Variants in CORO2B observed in about 807,000 individuals in gnomAD.
CORO2B encodes the protein coronin 2B.
A neutral mutation model predicts 58.8 loss-of-function variants in CORO2B; 26 were observed. That is an observed-to-expected ratio of 0.44 (90% confidence interval 0.32 to 0.61). The LOEUF is 0.61. Among genes scored for constraint, CORO2B ranks in the 20% least tolerant of loss-of-function variants. CORO2B has a pLI of 0.04. For missense variants in CORO2B, 460 were observed against 645.1 expected (o/e 0.71, Z 3.11); for synonymous variants, 242 against 253.8 (o/e 0.95, Z 0.44).
At chr15:68,631,953 C>T (rs1230474851) in intron 1 of CORO2B, 2 of 985,366 alleles carry the variant, frequency 2.0e-6, no homozygotes, top group African/African-American at 3.5e-5. Flanking sequence ...CATCCCTCAG[C>T]ATCGCTGGAG....
At position 68,710,981 on chromosome 15, in the gene CORO2B, A is replaced by G. The variant is rs1892902941; in HGVS notation, c.483+100A>G. 1 of 1,304,278 alleles carries G rather than the reference A, an allele frequency of 7.7e-7. No individual in the cohort carries two copies. Among genetic ancestry groups the G allele is most frequent in the East Asian group, 2.6e-5 (1 of 39,098 alleles). 80.8% of individuals were successfully genotyped at this position (1,304,278 alleles called of 1,614,324 possible). ...CACTGTTGCTTCCTAAGCAACCAAT[A>G]TGGCCTCATCTGTTCATTTGCTTAT... On this transcript the variant is annotated intron_variant, in intron 4 of 11. Transcript: ENST00000261861. The surrounding 1 kb of genome is among the most constrained non-coding windows in gnomAD (Gnocchi z 4.1).
intron 1 of CORO2B, among the ~76,000 whole-genome samples, chr15:68,634,086 A>T (rs1288097823): frequency 6.6e-6 from 1 of 152,250 alleles, no homozygotes; most frequent in Non-Finnish European, 1.5e-5. Context: ...ACTATGAAAC[A>T]GCCTTTTAAA....
At chr15:68,561,877 A>G in the CORO2B span, among the ~76,000 whole-genome samples, 1 of 152,136 alleles carries the variant, frequency 6.6e-6, no homozygotes, top group Non-Finnish European at 1.5e-5. Context: ...AATGTCAATG[A>G]GTAGTAAAGG....
intron 1 of CORO2B, among the ~76,000 whole-genome samples, chr15:68,631,800 G>C (rs1199833330): frequency 6.6e-6 from 1 of 152,204 alleles, no homozygotes; most frequent in Non-Finnish European, 1.5e-5. Context: ...TTTACCTCTT[G>C]ACATCAGTAG....
At chr15:68,686,899 CAA>C (rs1205410989) in intron 2 of CORO2B, among the ~76,000 whole-genome samples, 8 of 115,532 alleles carry the variant, frequency 6.9e-5, no homozygotes, top group African/African-American at 3.1e-5. Context: ...AACTCCGTCT[CAA>C]AAAAAAAAAA....
intron 1 of CORO2B, among the ~76,000 whole-genome samples, chr15:68,608,748 C>G (rs771874105): frequency 2.6e-5 from 4 of 152,148 alleles, no homozygotes; most frequent in African/African-American, 9.7e-5. Context: ...CCTCCCCTGC[C>G]CAGACTCCCG....
At chr15:68,704,028 CTACACACACA>C (rs1486928255) in intron 3 of CORO2B, among the ~76,000 whole-genome samples, 65 of 132,768 alleles carry the variant, frequency 4.9e-4, no homozygotes, top group African/African-American at 1.8e-3. Context: ...AACCCTTTCT[CTACACACACA>C]TACACACACA....
the CORO2B span, among the ~76,000 whole-genome samples, chr15:68,523,773 C>A: frequency 1.3e-5 from 2 of 152,074 alleles, no homozygotes; most frequent in Non-Finnish European, 2.9e-5. Flanking sequence ...TGTGGGTAAA[C>A]CCTACCAGGC....
chr15:68,580,803 G>T (rs1394869123), intron 1 of CORO2B, among the ~76,000 whole-genome samples: 1 of 152,106 alleles, frequency 6.6e-6, no homozygotes, highest in Non-Finnish European at 1.5e-5. Flanking sequence ...TAATAATAGC[G>T]CTGAGGATTA....
At chr15:68,522,933 T>C in the CORO2B span, among the ~76,000 whole-genome samples, 1 of 152,226 alleles carries the variant, frequency 6.6e-6, no homozygotes, top group Admixed American at 6.5e-5. Flanking sequence ...TTAAAACATG[T>C]GGAGACTTTG....
chr15:68,543,511 A>G, the CORO2B span, among the ~76,000 whole-genome samples: 1 of 152,030 alleles, frequency 6.6e-6, no homozygotes, highest in African/African-American at 2.4e-5. Flanking sequence ...CCCAATCCCC[A>G]TCTTTCTACC....
chr15:68,572,031 T>TG, the CORO2B span, among the ~76,000 whole-genome samples: 1 of 152,122 alleles, frequency 6.6e-6, no homozygotes, highest in Non-Finnish European at 1.5e-5. Context: ...AAGCAGGACC[T>TG]GGGGGGCACT....
chr15:68,592,335 A>G (rs1485860538), intron 1 of CORO2B, among the ~76,000 whole-genome samples: 2 of 152,092 alleles, frequency 1.3e-5, no homozygotes, highest in African/African-American at 4.8e-5. Context: ...TCTCTTGGAT[A>G]TACCCCACCT....
chr15:68,679,396 ATACCC>A (rs1902700206), intron 2 of CORO2B, among the ~76,000 whole-genome samples: 1 of 152,130 alleles, frequency 6.6e-6, no homozygotes. Context: ...GGTTAGACAC[ATACCC>A]CACCCATGGA....
chr15:68,591,641 G>A (rs71402276), intron 1 of CORO2B, among the ~76,000 whole-genome samples: 40,096 of 152,126 alleles, frequency 0.26, 5,742 homozygotes, highest in Middle Eastern at 0.34. Flanking sequence ...AGGGGTTTCT[G>A]AGCCCCTAGC....
At chr15:68,593,448 G>A (rs940221569) in intron 1 of CORO2B, among the ~76,000 whole-genome samples, 12 of 152,170 alleles carry the variant, frequency 7.9e-5, no homozygotes, top group African/African-American at 2.7e-4. Flanking sequence ...TAAAAGCTGA[G>A]CTTCCATTCT....
intron 1 of CORO2B, among the ~76,000 whole-genome samples, chr15:68,596,432 G>A (rs1388139276): frequency 6.6e-6 from 1 of 151,886 alleles, no homozygotes; most frequent in Non-Finnish European, 1.5e-5. Context: ...GGGATCTAGG[G>A]GGATCTTTCT....
At chr15:68,670,318 G>A (rs765314419) in intron 2 of CORO2B, among the ~76,000 whole-genome samples, 1 of 152,006 alleles carries the variant, frequency 6.6e-6, no homozygotes, top group Non-Finnish European at 1.5e-5. Context: ...GGGACTTCAG[G>A]TGTGCACCAC....
At chr15:68,528,689 GTTTT>G in the CORO2B span, among the ~76,000 whole-genome samples, 3 of 118,020 alleles carry the variant, frequency 2.5e-5, no homozygotes, top group Admixed American at 2.5e-4. Flanking sequence ...TTTTCTGAGT[GTTTT>G]TTTTTTTTTT....
Sources: allele counts gnomAD v4.1 joint callset (sites outside exome capture counted in the v4.1 genomes callset), GRCh38; gene constraint gnomAD v4.1.1; non-coding constraint Gnocchi (gnomAD v3.1); transcripts MANE v1.5; gene names NCBI Gene and HGNC (gene_info 2026-07-23, HGNC 2026-07-21).